Variants in ZBTB17 observed in about 807,000 individuals in gnomAD.
ZBTB17 encodes the protein zinc finger and BTB domain containing 17.
In ZBTB17, 24 loss-of-function variants were observed where a neutral mutation model predicts 85.1. The observed-to-expected ratio is 0.28, with a 90% CI of 0.20 to 0.40. The LOEUF (loss-of-function observed/expected upper bound fraction) is 0.40. ZBTB17 is among the 10% of genes least tolerant of loss of function. The pLI is 1.00. For synonymous variants in ZBTB17, 464 were observed against 460.2 expected, an observed-to-expected ratio of 1.01 and a Z score of -0.11; for missense variants, 743 against 1,105.1, an observed-to-expected ratio of 0.67 and a Z score of 4.65.
In ZBTB17 at chr1:15,952,926, T is replaced by G. The variant is rs2071915995; in HGVS notation, c.-2-4429A>C. On this transcript the variant is annotated intron_variant, in intron 2 of 15. Transcript: ENST00000375743. This position sits in a 1 kb window ranked among gnomAD's most constrained non-coding sequence, Gnocchi z 4.3. ...CTGACTCACCGATGACTTATGCCAC[T>G]GGGTTTTGGGGTGCTGTGCTGTGCA... is the stretch of plus-strand genomic sequence containing the variant. 1 of 152,252 alleles carries G rather than the reference T, an allele frequency of 6.6e-6. No individual in the cohort carries two copies. The highest frequency in any genetic ancestry group is 1.5e-5 in the Non-Finnish European group (1 of 68,090). The allele number at this position is 152,252 out of a possible 1,614,324, so 9.4% of individuals were successfully genotyped here. A position where few individuals can be genotyped will look rare whatever the true frequency, so the allele number is the denominator to read the frequency against.
At position 15,964,554 on chromosome 1, in the gene ZBTB17, C is replaced by CA. The variant is rs763835345; in HGVS notation, c.-3+8484dup. Among the ~76,000 whole-genome samples, 3 of 151,822 alleles carry CA rather than the reference C, an allele frequency of 2.0e-5. No homozygotes were observed. Among genetic ancestry groups the CA allele is most frequent in the Non-Finnish European group, 4.4e-5 (3 of 67,948 alleles). ...GCTACATGGTGAAACCCTGTCTCTA[C>CA]AAAAAAGACAAAAATAGCTGAGCGT... On this transcript the variant is annotated intron_variant, in intron 2 of 15. Coordinates refer to ENST00000375743, the MANE Select transcript of ZBTB17 (RefSeq NM_003443.3). The surrounding 1 kb of genome is among the most constrained non-coding windows in gnomAD (Gnocchi z 4.3).
intron 2 of ZBTB17, among the ~76,000 whole-genome samples, chr1:15,949,813 G>A (rs947688709): frequency 3.9e-5 from 6 of 152,192 alleles, no homozygotes; most frequent in Non-Finnish European, 5.9e-5. Context: ...CTTGAAGGGC[G>A]CCAAGGCCTC....
chr1:15,943,348 C>T (rs777817563), intron 12 of ZBTB17, 51 bp downstream of exon 12: 1 of 1,580,460 alleles, frequency 6.3e-7, no homozygotes. Context: ...GTCTTCTGAG[C>T]CCCCTCACTG....
Position 15,944,690 on chromosome 1 carries a change from G to A in ZBTB17, c.1070+7C>T. 1 of 1,606,292 alleles carries A rather than the reference G, an allele frequency of 6.2e-7. No homozygotes were observed. Among genetic ancestry groups the A allele is most frequent in the South Asian group, 1.1e-5 (1 of 91,076 alleles). The stretch of plus-strand genomic sequence containing the variant: ...GGCCGGGGTAGGAGGCCGGCTTGGG[G>A]CAGTACCTGTGCGTCTTCTCATGGG... On this transcript the variant is annotated splice_region_variant and intron_variant, in intron 8 of 15. Transcript: ENST00000375743.
chr1:15,947,742 C>T (rs765533750), intron 3 of ZBTB17, among the ~76,000 whole-genome samples: 1 of 152,208 alleles, frequency 6.6e-6, no homozygotes, highest in Non-Finnish European at 1.5e-5. Flanking sequence ...GACTGACCTC[C>T]AGGCCAGTCA....
intron 2 of ZBTB17, 116 bp from the exon 3 acceptor site, chr1:15,948,613 G>C (rs1413471956): frequency 4.9e-5 from 56 of 1,139,880 alleles, no homozygotes; most frequent in Non-Finnish European, 4.0e-5. Context: ...TAAAACAAGT[G>C]AGGGCATTTC....
Position 15,951,471 on chromosome 1 carries a change from T to C in ZBTB17, c.-2-2974A>G, listed in dbSNP as rs1340792503. Among the ~76,000 whole-genome samples the C allele has an allele frequency of 3.9e-5, 6 of 152,130 alleles. No individual in the cohort carries two copies. The highest frequency in any genetic ancestry group is 8.8e-5 in the Non-Finnish European group (6 of 68,014). On this transcript the variant is annotated intron_variant, in intron 2 of 15. Coordinates refer to ENST00000375743, the MANE Select transcript of ZBTB17 (RefSeq NM_003443.3). The surrounding 1 kb of genome is among the most constrained non-coding windows in gnomAD (Gnocchi z 4.1). ...GGGCGGACTAAGTGCTAAATGGTGT[T>C]ACCCGCAGAACTGTGTCACTGTGGA...
At chr1:15,969,789 G>C in intron 2 of ZBTB17, 1 of 525,618 alleles carries the variant, frequency 1.9e-6, no homozygotes, top group Non-Finnish European at 3.7e-6. Flanking sequence ...GACGAGAGGG[G>C]ATGTGCATCC....
At chr1:15,969,159 G>A (rs2072550023) in intron 2 of ZBTB17, among the ~76,000 whole-genome samples, 1 of 152,184 alleles carries the variant, frequency 6.6e-6, no homozygotes, top group Non-Finnish European at 1.5e-5. Flanking sequence ...ACATGTGAAG[G>A]ATCTAGGTTG....
At chr1:15,975,853 T>C (rs2072860732) in intron 1 of ZBTB17, 130 bp downstream of exon 1, 1 of 293,158 alleles carries the variant, frequency 3.4e-6, no homozygotes, top group Non-Finnish European at 6.9e-6. Context: ...TCAGCCCCGG[T>C]TGGCGTCCCA....
At position 15,966,633 on chromosome 1, in the gene ZBTB17, G is replaced by A. The variant is rs552917957; in HGVS notation, c.-3+6406C>T. On this transcript the variant is annotated intron_variant, in intron 2 of 15. Coordinates refer to ENST00000375743, the MANE Select transcript of ZBTB17 (RefSeq NM_003443.3). This position sits in a 1 kb window ranked among gnomAD's most constrained non-coding sequence, Gnocchi z 4.1. Reference sequence around the variant, plus strand: ...GCCCCAGTTTTCTACACGTATCTGTGCTGACTGCATTACTGAGGTCAACCT... The same window carrying A: ...GCCCCAGTTTTCTACACGTATCTGTACTGACTGCATTACTGAGGTCAACCT... Among the ~76,000 whole-genome samples the A allele has an allele frequency of 1.1e-4, 16 of 152,256 alleles. No homozygotes were observed. In the East Asian group the frequency reaches 3.1e-3, roughly 29 times the overall value.
At position 15,943,101 on chromosome 1, in the gene ZBTB17, G is replaced by A. The variant is rs778892420; in HGVS notation, c.1791C>T (p.Asn597=). 5.6e-6 allele frequency: 9 copies of A among 1,613,972 alleles called. No homozygotes were observed. The highest frequency in any genetic ancestry group is 2.7e-5 in the African/African-American group (2 of 74,886). Residue 597 remains asparagine (N), a synonymous_variant, in exon 13 of 16, where the codon AAC becomes AAT. Transcript: ENST00000375743. The part of the protein sequence containing the change: ...KCSVCSKAFV[N]VGDLSKHIII... ...TGATGTGCTTGGACAGGTCCCCCACGTTCACGAAGGCCTTGCTGCACACGC... is the reference window on the plus strand; with the variant it reads ...TGATGTGCTTGGACAGGTCCCCCACATTCACGAAGGCCTTGCTGCACACGC...
chr1:15,975,713 T>G (rs973321554), intron 1 of ZBTB17, among the ~76,000 whole-genome samples: 1 of 151,810 alleles, frequency 6.6e-6, no homozygotes, highest in Non-Finnish European at 1.5e-5. Context: ...CCAGCTGGGG[T>G]GTCATCCAGC....
chr1:15,944,523 C>T lies in ZBTB17; in HGVS notation c.1148G>A (p.Arg383Gln), dbSNP rs1254101214. 2 of 1,592,334 alleles carry T rather than the reference C, an allele frequency of 1.3e-6. No homozygotes were observed. Among genetic ancestry groups the T allele is most frequent in the East Asian group, 2.3e-5 (1 of 44,280 alleles). ...GCGGTAGCGCGCCTCGCCCGAGTGC[C>T]GCTTCTTGTGCAGGTTCAGCAGGCT... The part of the protein sequence containing the change: ...LISLLNLHKK[R>Q]HSGEARYRCE... Residue 383 changes from arginine to glutamine, a missense_variant, in exon 9 of 16, where the codon CGG becomes CAG. Physicochemically the swap from Arg to Gln is conservative, Grantham distance 43 (BLOSUM62 1). Coordinates refer to ENST00000375743, the MANE Select transcript of ZBTB17 (RefSeq NM_003443.3).
Position 15,945,017 on chromosome 1 carries a change from C to G in ZBTB17, c.847G>C (p.Glu283Gln), listed in dbSNP as rs918617386. Reference protein sequence around the residue: ...GTDSGQELGSEARGLRSGTYG... With the variant: ...GTDSGQELGSQARGLRSGTYG... The stretch of plus-strand genomic sequence containing the variant: ...GTGCCTGAGCGCAGGCCCCGGGCCT[C>G]GGAGCCGAGCTCCTGCCCCGAGTCT... Residue 283 changes from glutamate to glutamine, a missense_variant, in exon 7 of 16, where the codon GAG (glutamate) becomes CAG (glutamine). Glu to Gln is a conservative substitution (Grantham distance 29, BLOSUM62 2). Transcript: ENST00000375743. 6 of 1,601,340 alleles carry G rather than the reference C, an allele frequency of 3.7e-6. No individual in the cohort carries two copies. The African/African-American group carries it at 6.7e-5, about 18-fold the overall frequency.
chr1:15,975,745 C>A (rs1271973944), intron 1 of ZBTB17, among the ~76,000 whole-genome samples: 1 of 152,048 alleles, frequency 6.6e-6, no homozygotes, highest in East Asian at 1.9e-4. Context: ...CACGCGCCCC[C>A]TCGCCCGGGC....
At position 15,945,140 on chromosome 1, in the gene ZBTB17, C is replaced by G. The variant is rs2071542523; in HGVS notation, c.724G>C (p.Glu242Gln). The change falls in exon 7 of 16, where the codon GAG becomes CAG. Residue 242 changes from glutamate to glutamine, a missense_variant. Transcript: ENST00000375743. ...ACCTCAGCTGGCCCTGCGCCCTCCT[C>G]CTCTTGCTCCTCTTGCTCCTTTTGC... is the stretch of plus-strand genomic sequence containing the variant. ...EEQKEQEEQE[E>Q]EGAGPAEVKE... is the part of the protein sequence containing the mutation. 6.3e-7 allele frequency: 1 copy of G among 1,584,214 alleles called. No homozygotes were observed. Among genetic ancestry groups the G allele is most frequent in the Non-Finnish European group, 8.6e-7 (1 of 1,164,646 alleles).
intron 2 of ZBTB17, among the ~76,000 whole-genome samples, chr1:15,968,433 G>A (rs117815200): frequency 2.6e-5 from 4 of 152,274 alleles, no homozygotes; most frequent in East Asian, 1.9e-4. Context: ...AGATGCTGGC[G>A]GTCTCATGGG....
Position 15,942,745 on chromosome 1 carries a change from G to T in ZBTB17, c.1829-7C>A. ...CACAGGTAAGGCTTCTCTCCTGGGGGAGCAAGGTTCTCTCTTGCCTTTGTG... is the reference window on the plus strand; with the variant it reads ...CACAGGTAAGGCTTCTCTCCTGGGGTAGCAAGGTTCTCTCTTGCCTTTGTG... On this transcript the variant is annotated splice_polypyrimidine_tract_variant and splice_region_variant and intron_variant, in intron 13 of 15. Coordinates refer to ENST00000375743, the MANE Select transcript of ZBTB17 (RefSeq NM_003443.3). 1 of 1,612,842 alleles carries T rather than the reference G, an allele frequency of 6.2e-7. No homozygotes were observed. The highest frequency in any genetic ancestry group is 8.5e-7 in the Non-Finnish European group (1 of 1,179,896).
Sources: allele counts gnomAD v4.1 joint callset (sites outside exome capture counted in the v4.1 genomes callset), GRCh38; gene constraint gnomAD v4.1.1; non-coding constraint Gnocchi (gnomAD v3.1); transcripts MANE v1.5; gene names NCBI Gene and HGNC (gene_info 2026-07-23, HGNC 2026-07-21).